SGK1: variants seen among roughly 807,000 people sequenced by gnomAD.
The protein encoded by SGK1 is serine/threonine-protein kinase Sgk1.
SGK1 carries 26 observed loss-of-function variants against 64.2 expected under a neutral mutation model. That is an observed-to-expected ratio of 0.40 (90% confidence interval 0.30 to 0.56). The LOEUF is 0.56. Ranked by LOEUF, SGK1 falls within the 20% of genes least tolerant of loss-of-function variation. The pLI is 0.38. For synonymous variants in SGK1, 265 were observed against 239.7 expected (o/e 1.11, Z -0.98); for missense variants, 519 against 645.6 (o/e 0.80, Z 2.12).
At chr6:134,174,664 C>G in intron 3 of SGK1, 78 bp from the exon 4 acceptor site, 5 of 1,609,358 alleles carry the variant, frequency 3.1e-6, no homozygotes, top group Non-Finnish European at 3.4e-6. Context: ...TAATCTGATC[C>G]GGGACTTTCA....
intron 3 of SGK1, among the ~76,000 whole-genome samples, chr6:134,197,891 TAAA>T (rs368763798): frequency 1.3e-4 from 18 of 140,846 alleles, no homozygotes; most frequent in African/African-American, 3.8e-4. Flanking sequence ...TAAAATAAAA[TAAA>T]ATAAAATATA....
chr6:134,217,152 A>G (rs2114697386), intron 2 of SGK1, among the ~76,000 whole-genome samples: 1 of 152,330 alleles, frequency 6.6e-6, no homozygotes, highest in South Asian at 2.1e-4. Context: ...GAGCTCTGAA[A>G]GTGAAAAGGC....
chr6:134,198,724 C>CTTTTTTTTTTTTTTT (rs1459010325), intron 3 of SGK1, among the ~76,000 whole-genome samples: 2 of 65,926 alleles, frequency 3.0e-5, no homozygotes, highest in African/African-American at 5.1e-5. Flanking sequence ...TTCTCTTTTT[C>CTTTTTTTTTTTTTTT]TATTTTTTTT....
intron 2 of SGK1, among the ~76,000 whole-genome samples, chr6:134,211,877 G>GAAAAA (rs573091377): frequency 3.7e-5 from 3 of 81,624 alleles, no homozygotes; most frequent in Non-Finnish European, 4.9e-5. Flanking sequence ...CGTCTACAAG[G>GAAAAA]AAAAAAAAAA....
At chr6:134,207,492 A>T in intron 2 of SGK1, 61 bp from the exon 3 acceptor site, 2 of 1,131,264 alleles carry the variant, frequency 1.8e-6, no homozygotes, top group Non-Finnish European at 2.7e-6. Flanking sequence ...CAGCTATTTT[A>T]GGCTTATAGT....
chr6:134,175,001 G>C (rs541095134), intron 3 of SGK1: 5 of 1,150,640 alleles, frequency 4.3e-6, no homozygotes, highest in African/African-American at 3.2e-5. Context: ...TGGCGGCTAC[G>C]CTGCCTGCGG....
chr6:134,217,696 C>G (rs1776008910), intron 2 of SGK1, among the ~76,000 whole-genome samples: 1 of 152,148 alleles, frequency 6.6e-6, no homozygotes, highest in Admixed American at 6.5e-5. Flanking sequence ...AATGCAGGGT[C>G]AGAGATCAGG....
intron 1 of SGK1, among the ~76,000 whole-genome samples, chr6:134,263,446 G>A (rs1776798681): frequency 6.7e-6 from 1 of 150,326 alleles, no homozygotes; most frequent in Non-Finnish European, 1.5e-5. Context: ...AAGTTGCGCA[G>A]GCTGGTATCA....
At chr6:134,186,927 C>T (rs766763503) in intron 3 of SGK1, among the ~76,000 whole-genome samples, 39 of 151,996 alleles carry the variant, frequency 2.6e-4, no homozygotes, top group Non-Finnish European at 2.1e-4. Context: ...AGCAATTCTC[C>T]TGCCTCAGCC....
At chr6:134,297,767 C>T (rs1331607858) in intron 1 of SGK1, 2 of 512,146 alleles carry the variant, frequency 3.9e-6, no homozygotes, top group Admixed American at 2.8e-5. Context: ...TCCCAAAGTG[C>T]TGGGATTACA....
chr6:134,314,028 A>G (rs1034264630), intron 1 of SGK1, among the ~76,000 whole-genome samples: 2 of 152,264 alleles, frequency 1.3e-5, no homozygotes, highest in African/African-American at 4.8e-5. Flanking sequence ...AATATAATCC[A>G]TATACATCTA....
intron 1 of SGK1, among the ~76,000 whole-genome samples, chr6:134,309,503 G>A (rs1158440465): frequency 6.6e-6 from 1 of 152,156 alleles, no homozygotes. Flanking sequence ...TTAGACCAAG[G>A]ACCAGGGTAG....
chr6:134,221,101 C>T (rs1035501511), intron 2 of SGK1, among the ~76,000 whole-genome samples: 8 of 151,310 alleles, frequency 5.3e-5, no homozygotes, highest in African/African-American at 9.7e-5. Context: ...GTCAAGAGTT[C>T]GAAACCAGCC....
intron 2 of SGK1, chr6:134,261,670 G>T (rs567980392): frequency 1.7e-6 from 1 of 590,682 alleles, no homozygotes; most frequent in Non-Finnish European, 3.0e-6. Flanking sequence ...TAGGTTATAC[G>T]TGCATGGGGA....
At chr6:134,195,728 A>G (rs1313056641) in intron 3 of SGK1, among the ~76,000 whole-genome samples, 2 of 152,226 alleles carry the variant, frequency 1.3e-5, no homozygotes, top group Non-Finnish European at 2.9e-5. Flanking sequence ...CTAGGCAACT[A>G]AGGTTCGCTC....
intron 1 of SGK1, among the ~76,000 whole-genome samples, chr6:134,267,249 T>C (rs1047581478): frequency 6.6e-6 from 1 of 152,068 alleles, no homozygotes; most frequent in Non-Finnish European, 1.5e-5. Context: ...TTTTCTTTTT[T>C]TTAATATGTT....
At chr6:134,205,162 CA>C (rs1400198875) in intron 3 of SGK1, among the ~76,000 whole-genome samples, 3 of 152,092 alleles carry the variant, frequency 2.0e-5, no homozygotes, top group African/African-American at 7.2e-5. Flanking sequence ...TACATAACAT[CA>C]AGAATCATTT....
intron 3 of SGK1, among the ~76,000 whole-genome samples, chr6:134,195,427 G>A (rs1350392074): frequency 6.6e-6 from 1 of 152,172 alleles, no homozygotes; most frequent in African/African-American, 2.4e-5. Flanking sequence ...TCTGTGTTGA[G>A]CTAAACTGAG....
intron 1 of SGK1, among the ~76,000 whole-genome samples, chr6:134,269,889 T>C (rs988656366): frequency 3.4e-5 from 5 of 147,816 alleles, no homozygotes; most frequent in African/African-American, 1.2e-4. Flanking sequence ...TCACCCCAGC[T>C]ATATGTCATC....
Sources: allele counts gnomAD v4.1 joint callset (sites outside exome capture counted in the v4.1 genomes callset), GRCh38; gene constraint gnomAD v4.1.1; transcripts MANE v1.5; gene names NCBI Gene and HGNC (gene_info 2026-07-23, HGNC 2026-07-21).